The following ST8SIA1 variants were observed in gnomAD, a reference collection of about 807,000 sequenced individuals.
ST8SIA1 encodes the protein ST8 alpha-N-acetyl-neuraminide alpha-2,8-sialyltransferase 1.
ST8SIA1 carries 16 observed loss-of-function variants against 35.9 expected under a neutral mutation model. The ratio of observed to expected loss-of-function variants is 0.45; its 90% CI spans 0.30 to 0.68. ST8SIA1 has a LOEUF of 0.68. Among genes scored for constraint, ST8SIA1 ranks in the 30% least tolerant of loss-of-function variants. The pLI, the probability that ST8SIA1 is intolerant of heterozygous loss-of-function variation, is 0.09. For synonymous variants in ST8SIA1, 170 were observed against 169.6 expected, an observed-to-expected ratio of 1.00 and a Z score of -0.02; for missense variants, 383 against 453.6, an observed-to-expected ratio of 0.84 and a Z score of 1.41.
At chr12:22,248,869 C>T in intron 4 of ST8SIA1, 137 bp downstream of exon 4, 1 of 591,362 alleles carries the variant, frequency 1.7e-6, no homozygotes, top group Non-Finnish European at 3.0e-6. Flanking sequence ...ATTTACAATT[C>T]CCTTCATCCT....
intron 2 of ST8SIA1, among the ~76,000 whole-genome samples, chr12:22,283,589 T>C (rs11046357): frequency 0.036 from 5,487 of 152,282 alleles, 310 homozygotes; most frequent in African/African-American, 0.12. Flanking sequence ...TTAAAAATCC[T>C]GTGTGAAGGT....
rs113862295 is a variant in ST8SIA1, at chr12:22,301,782, A to G, written c.237-14489T>C. Among the ~76,000 whole-genome samples the G allele has an allele frequency of 4.4e-4, 67 of 152,232 alleles. 1 individual carries two copies. Among genetic ancestry groups the G allele is most frequent in the African/African-American group, 1.6e-3 (65 of 41,534 alleles). On this transcript the variant is annotated intron_variant, in intron 1 of 4. Transcript: ENST00000396037. ...CAGGGTTCCTGACCTGTGTTAAGTA[A>G]AGAATGTCACTTTCTGGCAGGCTCA...
chr12:22,233,151 G>GA (rs1172851982), intron 4 of ST8SIA1, among the ~76,000 whole-genome samples: 1 of 152,170 alleles, frequency 6.6e-6, no homozygotes, highest in African/African-American at 2.4e-5. Context: ...TATGAGGCGA[G>GA]GAAGACGACC....
chr12:22,297,651 TCAA>T (rs1435233467), intron 1 of ST8SIA1, among the ~76,000 whole-genome samples: 4 of 152,116 alleles, frequency 2.6e-5, no homozygotes, highest in Non-Finnish European at 5.9e-5. Context: ...TTTCAGGTTG[TCAA>T]CAACCTTTAA....
chr12:22,266,313 T>G (rs1349622796), intron 2 of ST8SIA1, among the ~76,000 whole-genome samples: 1 of 151,954 alleles, frequency 6.6e-6, no homozygotes, highest in Admixed American at 6.6e-5. Flanking sequence ...CCATGAGTCA[T>G]GAGATTATGT....
At chr12:22,208,385 C>G (rs917281948) in intron 4 of ST8SIA1, among the ~76,000 whole-genome samples, 7 of 151,650 alleles carry the variant, frequency 4.6e-5, no homozygotes, top group Non-Finnish European at 8.8e-5. Flanking sequence ...TTATTGGAAC[C>G]AATAGAGTCT....
chr12:22,215,909 G>C (rs1245057676), intron 4 of ST8SIA1, among the ~76,000 whole-genome samples: 1 of 152,130 alleles, frequency 6.6e-6, no homozygotes, highest in African/African-American at 2.4e-5. Context: ...AGCAACAACA[G>C]GATCTACTCA....
At chr12:22,325,615 G>C in intron 1 of ST8SIA1, 2 of 633,680 alleles carry the variant, frequency 3.2e-6, no homozygotes, top group Non-Finnish European at 5.6e-6. Flanking sequence ...TATCTGTGGA[G>C]GATACATTCC....
chr12:22,331,675 A>T (rs1591861296), intron 1 of ST8SIA1, among the ~76,000 whole-genome samples: 1 of 152,224 alleles, frequency 6.6e-6, no homozygotes, highest in East Asian at 1.9e-4. Context: ...GTTAAAGAAC[A>T]TTAAATGTGC....
intron 4 of ST8SIA1, among the ~76,000 whole-genome samples, chr12:22,216,866 T>A (rs1235103865): frequency 6.6e-6 from 1 of 152,236 alleles, no homozygotes; most frequent in Non-Finnish European, 1.5e-5. Flanking sequence ...AATATGCTAT[T>A]TCTTTTTTAA....
intron 2 of ST8SIA1, among the ~76,000 whole-genome samples, chr12:22,272,708 G>A (rs559806410): frequency 6.6e-6 from 1 of 152,310 alleles, no homozygotes; most frequent in East Asian, 1.9e-4. Context: ...ATATTTGATG[G>A]CTAAAAGACT....
At position 22,197,360 on chromosome 12, in the gene ST8SIA1, C is replaced by CAATGTAGGA. The variant is rs1202820396; in HGVS notation, c.*4191_*4192insTCCTACATT. 6.6e-6 allele frequency: 1 copy of CAATGTAGGA among 152,172 alleles called. No homozygotes were observed. 9.4% of individuals were successfully genotyped at this position (152,172 alleles called of 1,614,324 possible). ...CTGGTGGGAAAGTATTTACACAACA[C>CAATGTAGGA]AATGAACATTTCCTAAAGTTTTCAG... On this transcript the variant is annotated 3_prime_UTR_variant, in exon 5 of 5. Transcript: ENST00000396037.
chr12:22,303,805 GA>G (rs1363902190), intron 1 of ST8SIA1, among the ~76,000 whole-genome samples: 1 of 148,584 alleles, frequency 6.7e-6, no homozygotes, highest in Non-Finnish European at 1.5e-5. Context: ...AAAGGCCTCT[GA>G]AGTGGCTAAA....
chr12:22,218,434 A>G (rs574078999), intron 4 of ST8SIA1, among the ~76,000 whole-genome samples: 29 of 151,932 alleles, frequency 1.9e-4, no homozygotes, highest in African/African-American at 5.6e-4. Flanking sequence ...CCTGACCAAC[A>G]TGGCAAAACC....
At chr12:22,270,672 G>A (rs566132664) in intron 2 of ST8SIA1, among the ~76,000 whole-genome samples, 1 of 152,272 alleles carries the variant, frequency 6.6e-6, no homozygotes, top group East Asian at 1.9e-4. Context: ...GGGTGAAAGG[G>A]GGCTGGATAA....
chr12:22,329,539 ACT>A (rs1448322615), intron 1 of ST8SIA1, among the ~76,000 whole-genome samples: 4 of 152,260 alleles, frequency 2.6e-5, no homozygotes, highest in South Asian at 2.1e-4. Flanking sequence ...TTTTTCCCAA[ACT>A]ACCTTTTCAA....
In ST8SIA1 at chr12:22,312,898, T is replaced by C. The variant is rs753500535; in HGVS notation, c.236+21099A>G. On this transcript the variant is annotated intron_variant, in intron 1 of 4. Coordinates refer to ENST00000396037, the MANE Select transcript of ST8SIA1 (RefSeq NM_003034.4). ...TAGTTAGCTTAGCAAAAAACTTTCATTTCTTGTGAATTACTGGTCTAACCC... is the reference window on the plus strand; with the variant it reads ...TAGTTAGCTTAGCAAAAAACTTTCACTTCTTGTGAATTACTGGTCTAACCC... Among the ~76,000 whole-genome samples, 7 of 152,288 alleles carry C rather than the reference T, an allele frequency of 4.6e-5. No individual in the cohort carries two copies. The South Asian group carries it at 6.2e-4, about 14-fold the overall frequency.
intron 1 of ST8SIA1, chr12:22,326,035 T>C (rs1866674775): frequency 6.5e-6 from 3 of 458,304 alleles, no homozygotes; most frequent in East Asian, 6.9e-5. Flanking sequence ...TTATGAATTG[T>C]TTATTTCTGG....
chr12:22,239,159 GCT>G (rs1865510372), intron 4 of ST8SIA1, among the ~76,000 whole-genome samples: 1 of 151,836 alleles, frequency 6.6e-6, no homozygotes. Context: ...ATTATCTTTA[GCT>G]CTGTTTCACT....
Sources: gnomAD v4.1 joint callset for allele counts (sites outside exome capture counted in the v4.1 genomes callset) on GRCh38, gnomAD v4.1.1 for gene constraint, MANE v1.5 for transcripts, NCBI Gene and HGNC (gene_info 2026-07-23, HGNC 2026-07-21) for gene names.